CMC2: variants seen among roughly 807,000 people sequenced by gnomAD.
CMC2 encodes COX assembly mitochondrial protein 2 homolog.
A neutral mutation model predicts 7.5 loss-of-function variants in CMC2; 5 were observed. The ratio of observed to expected loss-of-function variants is 0.66; its 90% CI spans 0.35 to 1.40. The LOEUF (loss-of-function observed/expected upper bound fraction) is 1.40, where lower values mean the gene tolerates loss of function less well. Ranked by LOEUF, CMC2 falls within the 40% of genes most tolerant of loss-of-function variation. The probability of loss-of-function intolerance (pLI) is 0.04; values close to 1 mark genes in which losing one functional copy is unlikely to be tolerated. For synonymous variants in CMC2, 37 were observed against 31.4 expected (o/e 1.18, Z -0.60); for missense variants, 115 against 92.3 (o/e 1.25, Z -1.01).
At chr16:81,002,336 G>C (rs8048415) in intron 1 of CMC2, among the ~76,000 whole-genome samples, 35 of 152,080 alleles carry the variant, frequency 2.3e-4, no homozygotes, top group East Asian at 3.9e-4. Context: ...CGAAGCAGGA[G>C]AATCACTTGA....
chr16:80,987,985 G>A (rs943161480), intron 2 of CMC2, among the ~76,000 whole-genome samples: 6 of 151,792 alleles, frequency 4.0e-5, no homozygotes, highest in Non-Finnish European at 8.8e-5. Context: ...AGATGAGCCT[G>A]GGCAACACAG....
chr16:80,991,698 C>A, intron 2 of CMC2: 1 of 258,090 alleles, frequency 3.9e-6, no homozygotes, highest in Admixed American at 5.0e-5. Flanking sequence ...TCAACGTCAA[C>A]ATTAACAGTG....
intron 2 of CMC2, among the ~76,000 whole-genome samples, chr16:80,990,957 G>A (rs928461209): frequency 6.6e-6 from 1 of 150,874 alleles, no homozygotes; most frequent in Admixed American, 6.6e-5. Context: ...GAACTCCTGG[G>A]CTCAAGCAAT....
chr16:80,992,721 T>TTTTTTG lies in CMC2; in HGVS notation c.81+4592_81+4593insCAAAAA, dbSNP rs1485859033. 7.9e-4 allele frequency among the ~76,000 whole-genome samples: 109 copies of TTTTTTG among 138,798 alleles called. 2 individuals carry two copies. Among genetic ancestry groups the TTTTTTG allele is most frequent in the Middle Eastern group, 3.7e-3 (1 of 272 alleles). 91.1% of individuals were successfully genotyped at this position (138,798 alleles called of 152,430 possible). ...TTCCCCCTCCTTTTTTTTTTTTTTT[T>TTTTTTG]TGTGTAAAGACAGGGTCTCACTTTG... On this transcript the variant is annotated intron_variant, in intron 2 of 3. Transcript: ENST00000219400.
Position 80,984,514 on chromosome 16 carries a change from T to C in CMC2, c.82-2637A>G, listed in dbSNP as rs540839733. Among the ~76,000 whole-genome samples the C allele has an allele frequency of 2.6e-5, 4 of 152,360 alleles. No homozygotes were observed. The East Asian group carries it at 7.7e-4, about 29-fold the overall frequency. ...ATTTAACATAGACTAAAGTCTCCTA[T>C]TTGTTACCTAATGACCTTTCCAGAA... On this transcript the variant is annotated intron_variant, in intron 2 of 3. Coordinates refer to ENST00000219400, the MANE Select transcript of CMC2 (RefSeq NM_020188.5).
At position 80,975,850 on chromosome 16, in the gene CMC2, G is replaced by A. The variant is rs868019836; in HGVS notation, c.*243C>T. 1 of 346,026 alleles carries A rather than the reference G, an allele frequency of 2.9e-6. No individual in the cohort carries two copies. The highest frequency in any genetic ancestry group is 4.3e-5 in the Admixed American group (1 of 23,250). The allele number at this position is 346,026 out of a possible 1,614,324, so 21.4% of individuals were successfully genotyped here. On this transcript the variant is annotated 3_prime_UTR_variant, in exon 4 of 4. Transcript: ENST00000219400. ...GAGATAAGTTACTCAGATATTAACT[G>A]GTTGTAGGCAAAGGGAATAAACATG...
chr16:80,992,042 TA>T, intron 2 of CMC2: 1 of 425,198 alleles, frequency 2.4e-6, no homozygotes, highest in East Asian at 7.2e-5. Context: ...CATGTATCAA[TA>T]TTGGTTTATT....
intron 2 of CMC2, chr16:80,983,362 A>G (rs1567512078): frequency 6.6e-6 from 1 of 152,238 alleles, no homozygotes; most frequent in African/African-American, 2.4e-5. Flanking sequence ...CAAAGAAGGA[A>G]TAAATGTTCT....
At chr16:81,002,208 T>C (rs775984271) in intron 1 of CMC2, among the ~76,000 whole-genome samples, 110 of 152,292 alleles carry the variant, frequency 7.2e-4, no homozygotes, top group Non-Finnish European at 1.1e-3. Context: ...GTGGATCACC[T>C]GAAGTCAAGA....
intron 2 of CMC2, among the ~76,000 whole-genome samples, chr16:80,987,983 C>T (rs746788970): frequency 1.3e-5 from 2 of 151,456 alleles, no homozygotes; most frequent in Non-Finnish European, 2.9e-5. Context: ...TGAGATGAGC[C>T]TGGGCAACAC....
chr16:80,985,199 G>A (rs183502995), intron 2 of CMC2, among the ~76,000 whole-genome samples: 142 of 152,260 alleles, frequency 9.3e-4, no homozygotes, highest in African/African-American at 2.1e-3. Context: ...AGACACCGAG[G>A]GGTTCCTGAG....
At chr16:80,983,769 G>A (rs1032208794) in intron 2 of CMC2, 3 of 152,276 alleles carry the variant, frequency 2.0e-5, no homozygotes, top group African/African-American at 7.2e-5. Context: ...ATCACCTCAG[G>A]TCAGGAGCTT....
rs1056110382 is a variant in CMC2 at position 80,971,138 on chromosome 16, A to T, written c.*4955T>A. The T allele has an allele frequency of 3.3e-5, 5 of 152,210 alleles. No individual in the cohort carries two copies. Among genetic ancestry groups the T allele is most frequent in the Admixed American group, 2.0e-4 (3 of 15,284 alleles). The allele number at this position is 152,210 out of a possible 1,614,324, so 9.4% of individuals were successfully genotyped here. Reference sequence around the variant, plus strand: ...TGACAGGGTGAGACTCTGTCTCAAAAAACAACAACAAAAATACAAATCATA... The same window carrying T: ...TGACAGGGTGAGACTCTGTCTCAAATAACAACAACAAAAATACAAATCATA... On this transcript the variant is annotated 3_prime_UTR_variant, in exon 4 of 4. Transcript: ENST00000219400.
At chr16:80,995,236 T>C (rs1968316627) in intron 2 of CMC2, among the ~76,000 whole-genome samples, 3 of 148,426 alleles carry the variant, frequency 2.0e-5, no homozygotes, top group African/African-American at 4.9e-5. Flanking sequence ...TGTCCATTAA[T>C]AGGTAAATAA....
chr16:80,970,393 C>G lies in CMC2; in HGVS notation c.*5700G>C, dbSNP rs1197936165. ...AGTTTCACAAATATGGGAAGGCACA[C>G]TAGAAGGAGGTGCAGTAGAGGTTGA... On this transcript the variant is annotated 3_prime_UTR_variant, in exon 4 of 4. Coordinates refer to ENST00000219400, the MANE Select transcript of CMC2 (RefSeq NM_020188.5). The G allele has an allele frequency of 6.6e-6, 1 of 152,112 alleles. No individual in the cohort carries two copies. The highest frequency in any genetic ancestry group is 1.5e-5 in the Non-Finnish European group (1 of 68,020). The allele number at this position is 152,112 out of a possible 1,614,324, so 9.4% of individuals were successfully genotyped here. A position where few individuals can be genotyped will look rare whatever the true frequency, so the allele number is the denominator to read the frequency against.
chr16:80,978,230 T>TG (rs1325831614), intron 3 of CMC2: 1 of 1,039,402 alleles, frequency 9.6e-7, no homozygotes, highest in Admixed American at 5.2e-5. Flanking sequence ...GAGAAAAAGC[T>TG]TTCATATCTA....
intron 2 of CMC2, among the ~76,000 whole-genome samples, chr16:80,990,182 G>GT (rs1967865160): frequency 6.6e-6 from 1 of 151,166 alleles, no homozygotes; most frequent in South Asian, 2.1e-4. Flanking sequence ...TTTTTCTGTT[G>GT]TTTTTTGAGA....
intron 2 of CMC2, among the ~76,000 whole-genome samples, chr16:80,993,490 A>G (rs1358230048): frequency 6.6e-6 from 1 of 152,242 alleles, no homozygotes; most frequent in African/African-American, 2.4e-5. Flanking sequence ...TGAGTCACTG[A>G]CTGAGTATTC....
At chr16:80,993,752 C>T (rs1340517761) in intron 2 of CMC2, among the ~76,000 whole-genome samples, 3 of 152,118 alleles carry the variant, frequency 2.0e-5, no homozygotes, top group African/African-American at 7.2e-5. Context: ...CACGAACTGC[C>T]TGCTGATACA....
Sources: gnomAD v4.1 joint callset for allele counts (sites outside exome capture counted in the v4.1 genomes callset) on GRCh38, gnomAD v4.1.1 for gene constraint, MANE v1.5 for transcripts, NCBI Gene and HGNC (gene_info 2026-07-23, HGNC 2026-07-21) for gene names.